REDIC1: variants seen among roughly 807,000 people sequenced by gnomAD.
REDIC1 encodes the protein regulator of DNA class I crossover intermediates 1.
chr12:39,652,690 T>G, the REDIC1 span, among the ~76,000 whole-genome samples: 1 of 152,178 alleles, frequency 6.6e-6, no homozygotes, highest in Non-Finnish European at 1.5e-5. Context: ...TTCTTCTGTT[T>G]TATACTTTTA....
At chr12:39,767,268 C>T in the REDIC1 span, among the ~76,000 whole-genome samples, 1 of 151,040 alleles carries the variant, frequency 6.6e-6, no homozygotes, top group South Asian at 2.1e-4. Context: ...TGACCAGTGT[C>T]ATTGTCAATC....
At chr12:39,780,919 T>C in the REDIC1 span, among the ~76,000 whole-genome samples, 1 of 152,206 alleles carries the variant, frequency 6.6e-6, no homozygotes, top group African/African-American at 2.4e-5. Flanking sequence ...TTATTTAAAA[T>C]AGAACTTGTG....
chr12:39,888,207 T>G, the REDIC1 span, among the ~76,000 whole-genome samples: 1 of 152,156 alleles, frequency 6.6e-6, no homozygotes, highest in Non-Finnish European at 1.5e-5. Flanking sequence ...ATAACCATTC[T>G]AAGTTTTTAT....
the REDIC1 span, among the ~76,000 whole-genome samples, chr12:39,702,124 C>A: frequency 1.3e-5 from 2 of 152,036 alleles, no homozygotes; most frequent in African/African-American, 2.4e-5. Flanking sequence ...ACACAAAAAA[C>A]CCTTCAAAAA....
At chr12:39,783,387 G>C in the REDIC1 span, among the ~76,000 whole-genome samples, 1 of 152,186 alleles carries the variant, frequency 6.6e-6, no homozygotes, top group Non-Finnish European at 1.5e-5. Flanking sequence ...TATATACCCA[G>C]CAATGGGATG....
chr12:39,858,446 AAG>A, the REDIC1 span, among the ~76,000 whole-genome samples: 2 of 152,182 alleles, frequency 1.3e-5, no homozygotes, highest in Non-Finnish European at 2.9e-5. Flanking sequence ...GGAAATTAGT[AAG>A]AAAAAAAAAT....
At chr12:39,887,681 A>G in the REDIC1 span, among the ~76,000 whole-genome samples, 2 of 152,152 alleles carry the variant, frequency 1.3e-5, no homozygotes. Flanking sequence ...TTCTAATTCC[A>G]TGAGGAAATA....
At chr12:39,866,585 T>C in the REDIC1 span, among the ~76,000 whole-genome samples, 2 of 152,194 alleles carry the variant, frequency 1.3e-5, no homozygotes, top group South Asian at 2.1e-4. Flanking sequence ...GTTCACGCCA[T>C]TCTCCTGCCT....
At chr12:39,821,079 T>C in the REDIC1 span, among the ~76,000 whole-genome samples, 1 of 152,072 alleles carries the variant, frequency 6.6e-6, no homozygotes, top group African/African-American at 2.4e-5. Flanking sequence ...CACTGCCCTG[T>C]ACTATTATTT....
At chr12:39,717,370 A>G in the REDIC1 span, among the ~76,000 whole-genome samples, 1 of 152,068 alleles carries the variant, frequency 6.6e-6, no homozygotes, top group East Asian at 1.9e-4. Flanking sequence ...ATATTTATAC[A>G]ATAAAGTAAG....
At chr12:39,880,257 A>G in the REDIC1 span, among the ~76,000 whole-genome samples, 1 of 152,242 alleles carries the variant, frequency 6.6e-6, no homozygotes. Context: ...TAGCAATGCA[A>G]GAATGGCCTA....
At chr12:39,712,194 A>ATGTATATATACCTGTATGTATATG in the REDIC1 span, among the ~76,000 whole-genome samples, 2 of 12,836 alleles carry the variant, frequency 1.6e-4, no homozygotes, top group Admixed American at 9.2e-4. Context: ...GTATATGTAC[A>ATGTATATATACCTGTATGTATATG]TACATATATA....
At chr12:39,667,266 G>A in the REDIC1 span, among the ~76,000 whole-genome samples, 15 of 152,286 alleles carry the variant, frequency 9.8e-5, no homozygotes, top group African/African-American at 3.6e-4. Flanking sequence ...GGTATGTTGT[G>A]TCTTTGTTCT....
the REDIC1 span, among the ~76,000 whole-genome samples, chr12:39,665,416 T>A: frequency 6.6e-6 from 1 of 152,024 alleles, no homozygotes; most frequent in Non-Finnish European, 1.5e-5. Context: ...GGCTCTGTTC[T>A]GTTCCATTGT....
chr12:39,668,677 C>A, the REDIC1 span, among the ~76,000 whole-genome samples: 1 of 152,194 alleles, frequency 6.6e-6, no homozygotes, highest in African/African-American at 2.4e-5. Flanking sequence ...TTCTCCCTGT[C>A]ACTTTCAGGT....
the REDIC1 span, among the ~76,000 whole-genome samples, chr12:39,866,681 G>A: frequency 1.3e-5 from 2 of 152,048 alleles, no homozygotes; most frequent in African/African-American, 4.8e-5. Context: ...GGGTTTCACC[G>A]TGTTAGCCAG....
chr12:39,869,084 A>G, the REDIC1 span, among the ~76,000 whole-genome samples: 1 of 152,230 alleles, frequency 6.6e-6, no homozygotes, highest in Admixed American at 6.5e-5. Flanking sequence ...TTTAACATAG[A>G]ACCGTATGTT....
At chr12:39,649,181 A>G in the REDIC1 span, among the ~76,000 whole-genome samples, 1 of 151,924 alleles carries the variant, frequency 6.6e-6, no homozygotes, top group Non-Finnish European at 1.5e-5. Flanking sequence ...TTTTATGCTT[A>G]ACATGGTAAA....
At chr12:39,865,007 G>T in the REDIC1 span, 1 of 839,434 alleles carries the variant, frequency 1.2e-6, no homozygotes, top group Non-Finnish European at 1.7e-6. Context: ...AAAATACCGT[G>T]CTCTATCTTC....
Sources: allele counts gnomAD v4.1 joint callset (sites outside exome capture counted in the v4.1 genomes callset), GRCh38; gene constraint gnomAD v4.1.1; transcripts MANE v1.5; gene names NCBI Gene and HGNC (gene_info 2026-07-23, HGNC 2026-07-21).